The following SEMA6D variants were observed in gnomAD, a reference collection of about 807,000 sequenced individuals.
SEMA6D encodes semaphorin-6D.
Under a neutral mutation model 106.6 loss-of-function variants are expected in SEMA6D, and 35 were observed. That is an observed-to-expected ratio of 0.33 (90% CI 0.25 to 0.44). The LOEUF (loss-of-function observed/expected upper bound fraction) is 0.44, where lower values mean the gene tolerates loss of function less well. SEMA6D is among the 20% of genes least tolerant of loss of function. The pLI is 1.00. For missense variants in SEMA6D, 1,185 were observed against 1,345.9 expected (o/e 0.88, Z 1.87); for synonymous variants, 499 against 487.7 (o/e 1.02, Z -0.31).
At chr15:47,417,197 A>T (rs2040996961) in intron 2 of SEMA6D, among the ~76,000 whole-genome samples, 1 of 152,122 alleles carries the variant, frequency 6.6e-6, no homozygotes, top group South Asian at 2.1e-4. Flanking sequence ...TTGTTGTAAA[A>T]GGCACAAACA....
intron 1 of SEMA6D, among the ~76,000 whole-genome samples, chr15:47,736,533 A>G (rs1051149153): frequency 3.3e-5 from 5 of 152,210 alleles, no homozygotes; most frequent in Non-Finnish European, 5.9e-5. Context: ...CCAGATAGGA[A>G]TTTACTTAAG....
chr15:47,593,319 G>A (rs2076473912), intron 3 of SEMA6D, among the ~76,000 whole-genome samples: 1 of 145,516 alleles, frequency 6.9e-6, no homozygotes, highest in Non-Finnish European at 1.5e-5. Flanking sequence ...GCAGGAGAAT[G>A]GCATGGAGCC....
intron 3 of SEMA6D, among the ~76,000 whole-genome samples, chr15:47,546,850 T>C (rs945886744): frequency 2.6e-5 from 4 of 152,080 alleles, no homozygotes; most frequent in Non-Finnish European, 4.4e-5. Flanking sequence ...GACACAGTTG[T>C]ATCCCCATTG....
chr15:47,324,106 G>T (rs2037033427), intron 1 of SEMA6D, among the ~76,000 whole-genome samples: 1 of 151,316 alleles, frequency 6.6e-6, no homozygotes, highest in Non-Finnish European at 1.5e-5. Flanking sequence ...ACTGTAGTTT[G>T]GTTTTCTTCT....
chr15:47,568,489 CCATTA>C (rs1014015403), intron 3 of SEMA6D, among the ~76,000 whole-genome samples: 3 of 151,954 alleles, frequency 2.0e-5, no homozygotes, highest in Non-Finnish European at 4.4e-5. Context: ...GTACCTGGGC[CCATTA>C]CATTACATTA....
chr15:47,694,154 CAG>C (rs10547724), intron 4 of SEMA6D, among the ~76,000 whole-genome samples: 37,632 of 151,922 alleles, frequency 0.25, 4,968 homozygotes, highest in Non-Finnish European at 0.29. Context: ...GCTATTGAAA[CAG>C]AAACTCTTGG....
intron 3 of SEMA6D, among the ~76,000 whole-genome samples, chr15:47,573,323 T>G (rs1350513167): frequency 6.6e-6 from 1 of 152,108 alleles, no homozygotes; most frequent in Admixed American, 6.6e-5. Flanking sequence ...GAAAATAAGC[T>G]AAAACAAAAT....
At chr15:47,385,045 A>ATTTTTTTTTTTTTT (rs374354563) in intron 1 of SEMA6D, among the ~76,000 whole-genome samples, 2 of 94,358 alleles carry the variant, frequency 2.1e-5, no homozygotes, top group African/African-American at 8.4e-5. Flanking sequence ...CTGGACTGTA[A>ATTTTTTTTTTTTTT]TTTTTTTTTT....
At chr15:47,498,884 T>C (rs1363911771) in intron 3 of SEMA6D, among the ~76,000 whole-genome samples, 4 of 152,142 alleles carry the variant, frequency 2.6e-5, no homozygotes, top group Non-Finnish European at 5.9e-5. Flanking sequence ...TCCAGGTAGA[T>C]TTCTAGTAGC....
At chr15:47,758,691 A>C (rs1376660630) in intron 1 of SEMA6D, among the ~76,000 whole-genome samples, 1 of 152,194 alleles carries the variant, frequency 6.6e-6, no homozygotes, top group Non-Finnish European at 1.5e-5. Context: ...ATGAAGCATC[A>C]CTTCAATAAA....
chr15:47,298,564 T>C (rs2035896352), intron 1 of SEMA6D, among the ~76,000 whole-genome samples: 1 of 152,138 alleles, frequency 6.6e-6, no homozygotes, highest in Admixed American at 6.5e-5. Flanking sequence ...ATAGAAGTCA[T>C]TGTGTTCTTA....
In SEMA6D at chr15:47,304,433, T is replaced by TAAAAAAAAAA. The variant is rs56185341; in HGVS notation, c.-238-107933_-238-107924dup. Among the ~76,000 whole-genome samples the TAAAAAAAAAA allele has an allele frequency of 6.1e-4, 57 of 93,832 alleles. 6 individuals carry two copies. The highest frequency in any genetic ancestry group is 2.9e-3 in the African/African-American group (48 of 16,334). The allele number at this position is 93,832 out of a possible 152,430, so 61.6% of individuals were successfully genotyped here. A position where few individuals can be genotyped will look rare whatever the true frequency, so the allele number is the denominator to read the frequency against. The stretch of plus-strand genomic sequence containing the variant: ...TGCACTCCAGCCTGAGCCTTCTAAC[T>TAAAAAAAAAA]AAAAAAAAAAAAAAAAAAAAAAAAA... On this transcript the variant is annotated intron_variant, in intron 1 of 19. Transcript: ENST00000558014.
intron 1 of SEMA6D, among the ~76,000 whole-genome samples, chr15:47,726,566 G>T (rs1488567133): frequency 6.6e-6 from 1 of 152,314 alleles, no homozygotes; most frequent in East Asian, 1.9e-4. Flanking sequence ...CGTGGGGGCT[G>T]TGAGTTTTGG....
intron 4 of SEMA6D, among the ~76,000 whole-genome samples, chr15:47,632,689 C>A (rs1409228625): frequency 1.3e-5 from 2 of 151,904 alleles, no homozygotes; most frequent in Non-Finnish European, 2.9e-5. Context: ...TTCTTATAAG[C>A]AGAATATAGT....
Position 47,731,867 on chromosome 15 carries a change from A to G in SEMA6D, c.-55+14175A>G, listed in dbSNP as rs190032627. On this transcript the variant is annotated intron_variant, in intron 1 of 18. Coordinates refer to ENST00000536845, the MANE Select transcript of SEMA6D (RefSeq NM_001358351.3). The stretch of plus-strand genomic sequence containing the variant: ...CATAGGTGTATGTAAATATAGACAT[A>G]TATAAAAATATAACACACCACACAT... Among the ~76,000 whole-genome samples the G allele has an allele frequency of 2.6e-4, 39 of 152,328 alleles. No individual in the cohort carries two copies. In the East Asian group the frequency reaches 6.4e-3, roughly 25 times the overall value.
Position 47,395,023 on chromosome 15 carries a change from A to G in SEMA6D, c.-238-17370A>G, listed in dbSNP as rs370748646. Among the ~76,000 whole-genome samples, 292 of 152,160 alleles carry G rather than the reference A, an allele frequency of 1.9e-3. 2 individuals carry two copies. The highest frequency in any genetic ancestry group is 3.5e-3 in the Admixed American group (54 of 15,288). On this transcript the variant is annotated intron_variant, in intron 1 of 19. Coordinates refer to the SEMA6D transcript ENST00000558014. ...ATTTTTCTGAGATGCCATGTCCCCAAATATATGCAGCTTTCCTGGACAGTT... is the reference window on the plus strand; with the variant it reads ...ATTTTTCTGAGATGCCATGTCCCCAGATATATGCAGCTTTCCTGGACAGTT...
chr15:47,569,320 G>A (rs1349778003), intron 3 of SEMA6D, among the ~76,000 whole-genome samples: 3 of 152,036 alleles, frequency 2.0e-5, no homozygotes, highest in African/African-American at 7.3e-5. Flanking sequence ...TTTCTGCCCT[G>A]CCCTCTGTCC....
chr15:47,357,534 A>C (rs1165586515), intron 1 of SEMA6D, among the ~76,000 whole-genome samples: 1 of 152,090 alleles, frequency 6.6e-6, no homozygotes, highest in African/African-American at 2.4e-5. Flanking sequence ...GAGTTCCAAA[A>C]CTGAAGAATT....
chr15:47,187,317 G>T (rs1213723644), intron 1 of SEMA6D, among the ~76,000 whole-genome samples: 3 of 152,094 alleles, frequency 2.0e-5, no homozygotes, highest in African/African-American at 7.2e-5. Context: ...TAAAAGGTTG[G>T]TGTTTACAAA....
Sources: allele counts gnomAD v4.1 joint callset (sites outside exome capture counted in the v4.1 genomes callset), GRCh38; gene constraint gnomAD v4.1.1; transcripts MANE v1.5; gene names NCBI Gene and HGNC (gene_info 2026-07-23, HGNC 2026-07-21).